ZNF208: variants seen among roughly 807,000 people sequenced by gnomAD.
The protein encoded by ZNF208 is zinc finger protein 208, also known as zinc finger protein 95.
Under a neutral mutation model 12.1 loss-of-function variants are expected in ZNF208, and 10 were observed. That is an observed-to-expected ratio of 0.83 (90% CI 0.51 to 1.40). The LOEUF is 1.40. Ranked by LOEUF, ZNF208 falls within the 40% of genes most tolerant of loss-of-function variation. ZNF208 has a pLI of 0.00. For missense variants in ZNF208, 1,652 were observed against 1,485.0 expected (o/e 1.11, Z -1.85); for synonymous variants, 497 against 488.4 (o/e 1.02, Z -0.23).
rs371437541 is a variant in ZNF208 at position 21,973,283 on chromosome 19, T to C, written c.1751A>G (p.Glu584Gly). 4.3e-6 allele frequency: 7 copies of C among 1,611,316 alleles called. No individual in the cohort carries two copies. The highest frequency in any genetic ancestry group is 5.9e-6 in the Non-Finnish European group (7 of 1,178,592). Residue 584 changes from glutamate to glycine, a missense_variant, in exon 4 of 4, where the codon GAA (glutamate) becomes GGA (glycine). Physicochemically the swap from Glu to Gly is moderately conservative, Grantham distance 98 (BLOSUM62 -2). Transcript: ENST00000397126. ...IHTVEKPYKC[E>G]ECGKAFNQSA... is the part of the protein sequence containing the mutation. Reference sequence around the variant, plus strand: ...TTGGTTAAAAGCTTTGCCACATTCTTCACATTTGTAGGGTTTCTCTACAGT... The same window carrying C: ...TTGGTTAAAAGCTTTGCCACATTCTCCACATTTGTAGGGTTTCTCTACAGT...
At chr19:21,990,871 G>A (rs1182133722) in intron 1 of ZNF208, among the ~76,000 whole-genome samples, 2 of 152,152 alleles carry the variant, frequency 1.3e-5, no homozygotes, top group Non-Finnish European at 2.9e-5. Context: ...TGAAGCAATT[G>A]TGAATGGGAG....
At chr19:22,000,340 G>A (rs998771216) in intron 1 of ZNF208, among the ~76,000 whole-genome samples, 9 of 151,902 alleles carry the variant, frequency 5.9e-5, no homozygotes, top group Non-Finnish European at 1.0e-4. Flanking sequence ...TCAAAAATCC[G>A]AAAATTATAC....
At chr19:21,960,419 A>C (rs1435856675) in intron 4 of ZNF208, among the ~76,000 whole-genome samples, 3 of 152,204 alleles carry the variant, frequency 2.0e-5, no homozygotes, top group African/African-American at 7.2e-5. Flanking sequence ...AAAGTGGATT[A>C]CTCACAATAA....
In ZNF208 at chr19:21,974,730, T is replaced by C. The variant is rs1189694643; in HGVS notation, c.304A>G (p.Arg102Gly). ...TTCTCATGTCCACATTTTTCATACCTTCTCAATATCACTTTTTGGAAAGAA... is the reference window on the plus strand; with the variant it reads ...TTCTCATGTCCACATTTTTCATACCCTCTCAATATCACTTTTTGGAAAGAA... ...EDSFQKVILRRYEKCGHENLH... is the reference protein window; with the variant it reads ...EDSFQKVILRGYEKCGHENLH... Residue 102 changes from arginine to glycine, a missense_variant, in exon 4 of 4, where the codon AGG becomes GGG. Around this residue, in one of 3 missense-constraint regions of ZNF208, gnomAD observed 410 missense variants for 378.2 expected, o/e 1.08. Coordinates refer to ENST00000397126, the MANE Select transcript of ZNF208 (RefSeq NM_007153.3). The C allele has an allele frequency of 1.2e-6, 2 of 1,612,698 alleles. No homozygotes were observed. Among genetic ancestry groups the C allele is most frequent in the Admixed American group, 3.3e-5 (2 of 59,834 alleles).
rs935173984 is a variant in ZNF208, at chr19:21,970,990, C to CATACT, written c.*196_*200dup. Among the ~76,000 whole-genome samples the CATACT allele has an allele frequency of 1.3e-5, 2 of 151,848 alleles. No individual in the cohort carries two copies. The highest frequency in any genetic ancestry group is 4.8e-5 in the African/African-American group (2 of 41,348). ...CCTTATGTTTAGTAAGGATTGAGAA[C>CATACT]ATACTAAAGCCTTTACCACATTCTT... On this transcript the variant is annotated 3_prime_UTR_variant, in exon 4 of 4. Transcript: ENST00000397126.
At chr19:21,950,948 T>C (rs765429131) in intron 4 of ZNF208, among the ~76,000 whole-genome samples, 3 of 152,238 alleles carry the variant, frequency 2.0e-5, no homozygotes, top group East Asian at 1.9e-4. Flanking sequence ...CTCTAATTAA[T>C]TGGTGTACAA....
chr19:21,967,062 C>T lies in ZNF208; in HGVS notation c.*4129G>A, dbSNP rs767987291. The stretch of plus-strand genomic sequence containing the variant: ...TAGTTTCTTTTACTGTGCAGAAGCT[C>T]TTTGGCTTAGATGCCATTTTTTATT... On this transcript the variant is annotated 3_prime_UTR_variant, in exon 4 of 4. Transcript: ENST00000397126. The T allele has an allele frequency of 2.0e-5, 3 of 152,128 alleles. No homozygotes were observed. The highest frequency in any genetic ancestry group is 4.4e-5 in the Non-Finnish European group (3 of 68,014). 9.4% of individuals were successfully genotyped at this position (152,128 alleles called of 1,614,324 possible). A position where few individuals can be genotyped will look rare whatever the true frequency, so the allele number is the denominator to read the frequency against.
intron 3 of ZNF208, among the ~76,000 whole-genome samples, chr19:21,977,107 A>AT (rs1223074830): frequency 6.6e-6 from 1 of 152,252 alleles, no homozygotes; most frequent in Non-Finnish European, 1.5e-5. Flanking sequence ...AAAATAATGG[A>AT]TTAACTCAGA....
rs946538551 is a variant in ZNF208 at position 21,969,504 on chromosome 19, G to A, written c.*1687C>T. Among the ~76,000 whole-genome samples, 1 of 151,814 alleles carries A rather than the reference G, an allele frequency of 6.6e-6. No individual in the cohort carries two copies. Among genetic ancestry groups the A allele is most frequent in the African/African-American group, 2.4e-5 (1 of 41,334 alleles). On this transcript the variant is annotated 3_prime_UTR_variant, in exon 4 of 4. Coordinates refer to ENST00000397126, the MANE Select transcript of ZNF208 (RefSeq NM_007153.3). ...CTGATATTTACATAAACTTAATTTT[G>A]GATTAAATATTTTTTATATTTACTG...
At chr19:22,003,424 T>C (rs1226835243) in intron 1 of ZNF208, among the ~76,000 whole-genome samples, 2 of 151,416 alleles carry the variant, frequency 1.3e-5, no homozygotes, top group Middle Eastern at 3.4e-3. Context: ...ATTTGCAAAC[T>C]ATGCTTCTGA....
intron 1 of ZNF208, among the ~76,000 whole-genome samples, chr19:21,994,245 TAA>T (rs1970789748): frequency 6.6e-6 from 1 of 152,152 alleles, no homozygotes. Flanking sequence ...AGCTGCTAAA[TAA>T]AGTCTCTTCA....
In ZNF208 at chr19:22,001,917, A is replaced by G. The variant is rs1238394593; in HGVS notation, c.3+8875T>C. 5.9e-4 allele frequency among the ~76,000 whole-genome samples: 81 copies of G among 138,244 alleles called. 1 individual carries two copies. Among genetic ancestry groups the G allele is most frequent in the African/African-American group, 1.8e-3 (66 of 37,256 alleles). The allele number at this position is 138,244 out of a possible 152,430, so 90.7% of individuals were successfully genotyped here. A position where few individuals can be genotyped will look rare whatever the true frequency, so the allele number is the denominator to read the frequency against. On this transcript the variant is annotated intron_variant, in intron 1 of 3. Coordinates refer to ENST00000397126, the MANE Select transcript of ZNF208 (RefSeq NM_007153.3). ...CAAAAAAAAAAAAAAAAAAAAAAAAAAAAAGAAAAAAGAAAAGAAAAGAAA... is the reference window on the plus strand; with the variant it reads ...CAAAAAAAAAAAAAAAAAAAAAAAAGAAAAGAAAAAAGAAAAGAAAAGAAA...
At chr19:21,976,122 T>C (rs1402236907) in intron 3 of ZNF208, among the ~76,000 whole-genome samples, 1 of 152,162 alleles carries the variant, frequency 6.6e-6, no homozygotes, top group African/African-American at 2.4e-5. Context: ...GAAAACATTT[T>C]TAATTATTCT....
At chr19:21,965,112 A>G (rs1568439303), downstream of ZNF208, among the ~76,000 whole-genome samples, 1 of 152,012 alleles carries the variant, frequency 6.6e-6, no homozygotes, top group East Asian at 1.9e-4. Flanking sequence ...GGCAATTTTG[A>G]CTGTCAATTA....
downstream of ZNF208, among the ~76,000 whole-genome samples, chr19:21,962,495 CT>C (rs548307475): frequency 1.3e-5 from 2 of 151,974 alleles, no homozygotes; most frequent in East Asian, 1.9e-4. Context: ...TCACCATTTC[CT>C]TTTTTTCTGA....
chr19:21,979,104 C>T lies in ZNF208; in HGVS notation c.227-4297G>A, dbSNP rs183650795. 1.4e-4 allele frequency among the ~76,000 whole-genome samples: 22 copies of T among 152,172 alleles called. No individual in the cohort carries two copies. In the East Asian group the frequency reaches 2.3e-3, roughly 16 times the overall value. On this transcript the variant is annotated intron_variant, in intron 3 of 3. Transcript: ENST00000397126. ...GAAAAGACCAAATCTACATTTAATT[C>T]GGGTACGTGAAAGTGACAGGGAGAA...
In ZNF208 at chr19:21,974,331, C is replaced by T. The variant is rs1970382776; in HGVS notation, c.703G>A (p.Gly235Ser). 1 of 1,613,560 alleles carries T rather than the reference C, an allele frequency of 6.2e-7. No individual in the cohort carries two copies. The highest frequency in any genetic ancestry group is 8.5e-7 in the Non-Finnish European group (1 of 1,179,790). ...ATTGAGAACTTACTAAAGGCTTTGC[C>T]ACATTCTTTACATCTGTAGGGTTTC... is the stretch of plus-strand genomic sequence containing the variant. ...GEKPYRCKECGKAFSKFSILT... is the reference protein window; with the variant it reads ...GEKPYRCKECSKAFSKFSILT... The change falls in exon 4 of 4, where the codon GGC becomes AGC. Residue 235 changes from glycine to serine, a missense_variant. This residue lies in a region of ZNF208 where 410 missense variants were observed against 378.2 expected (regional missense o/e 1.08). Coordinates refer to ENST00000397126, the MANE Select transcript of ZNF208 (RefSeq NM_007153.3).
chr19:21,972,792 G>A lies in ZNF208; in HGVS notation c.2242C>T (p.Pro748Ser), dbSNP rs1970327516. The part of the protein sequence containing the change: ...KHKVIHTGEK[P>S]YKCEECGKAY... The stretch of plus-strand genomic sequence containing the variant: ...TTGCCACATTCTTCACATTTGTAGG[G>A]TTTCTCTCCAGTATGAATTACCTTA... The change falls in exon 4 of 4, where the codon CCC (proline) becomes TCC (serine). Residue 748 changes from proline (P) to serine (S), a missense_variant. Around this residue, in one of 3 missense-constraint regions of ZNF208, gnomAD observed 1,239 missense variants for 1,086.2 expected, o/e 1.14. Transcript: ENST00000397126. The A allele has an allele frequency of 6.2e-7, 1 of 1,611,888 alleles. No individual in the cohort carries two copies. Among genetic ancestry groups the A allele is most frequent in the African/African-American group, 1.3e-5 (1 of 74,930 alleles).
chr19:21,946,826 G>A (rs1969820697), intron 4 of ZNF208, among the ~76,000 whole-genome samples: 1 of 152,098 alleles, frequency 6.6e-6, no homozygotes, highest in Non-Finnish European at 1.5e-5. Context: ...ACAGAAAGGA[G>A]GTCCTATGGC....
Sources: gnomAD v4.1 joint callset for allele counts (sites outside exome capture counted in the v4.1 genomes callset) on GRCh38, gnomAD v4.1.1 for gene constraint, gnomAD v4.1.1 regional missense constraint, MANE v1.5 for transcripts, NCBI Gene and HGNC (gene_info 2026-07-23, HGNC 2026-07-21) for gene names.